Variants in PLSCR1 observed in about 807,000 individuals in gnomAD.
PLSCR1 encodes the protein PL scramblase 1.
A neutral mutation model predicts 37.8 loss-of-function variants in PLSCR1; 17 were observed. The ratio of observed to expected loss-of-function variants is 0.45; its 90% CI spans 0.31 to 0.68. The LOEUF is 0.68. Ranked by LOEUF, PLSCR1 falls within the 30% of genes least tolerant of loss-of-function variation. PLSCR1 has a pLI of 0.06. For missense variants in PLSCR1, 347 were observed against 380.9 expected, an observed-to-expected ratio of 0.91 and a Z score of 0.74; for synonymous variants, 116 against 125.9, an observed-to-expected ratio of 0.92 and a Z score of 0.53.
chr3:146,542,451 A>G (rs1173532844), intron 1 of PLSCR1, among the ~76,000 whole-genome samples: 1 of 152,156 alleles, frequency 6.6e-6, no homozygotes, highest in African/African-American at 2.4e-5. Context: ...CACAACCACA[A>G]AATTGCCTCA....
intron 1 of PLSCR1, 139 bp from the exon 2 acceptor site, chr3:146,536,704 G>A (rs145772879): frequency 1.0e-5 from 6 of 584,440 alleles, no homozygotes; most frequent in Non-Finnish European, 1.9e-5. Flanking sequence ...GCCTTATCTG[G>A]TCATTTAAGC....
In PLSCR1 at chr3:146,520,522, A is replaced by G. The variant is rs140401080; in HGVS notation, c.738+1022T>C. On this transcript the variant is annotated intron_variant, in intron 7 of 8. Coordinates refer to ENST00000342435, the MANE Select transcript of PLSCR1 (RefSeq NM_021105.3). ...CATACACACATTATATAATCCCCTT[A>G]TAAGAGCCTTTTTAAAGTTTCTATA... Among the ~76,000 whole-genome samples, 274 of 152,300 alleles carry G rather than the reference A, an allele frequency of 1.8e-3. 5 individuals carry two copies. Among genetic ancestry groups the G allele is most frequent in the Admixed American group, 0.017 (259 of 15,296 alleles).
intron 1 of PLSCR1, among the ~76,000 whole-genome samples, chr3:146,538,490 T>A (rs2044295097): frequency 6.6e-6 from 1 of 152,172 alleles, no homozygotes; most frequent in Non-Finnish European, 1.5e-5. Flanking sequence ...TATACATCTC[T>A]AAAGTCTTTA....
intron 1 of PLSCR1, among the ~76,000 whole-genome samples, chr3:146,541,511 G>C (rs139304913): frequency 6.2e-4 from 94 of 152,270 alleles, no homozygotes; most frequent in African/African-American, 2.1e-3. Flanking sequence ...GATACAGCTT[G>C]CTAACTAGCT....
chr3:146,536,826 G>A (rs752945077), intron 1 of PLSCR1: 3 of 347,784 alleles, frequency 8.6e-6, no homozygotes, highest in Non-Finnish European at 1.6e-5. Flanking sequence ...AGAGGGTCCA[G>A]TGAGGCAGAA....
At chr3:146,521,747 T>C in intron 6 of PLSCR1, 42 bp from the exon 7 acceptor site, 1 of 1,583,990 alleles carries the variant, frequency 6.3e-7, no homozygotes, top group East Asian at 2.2e-5. Context: ...ATAATCATAA[T>C]GCCTAGGTTC....
At chr3:146,519,352 C>T (rs2043987420) in intron 7 of PLSCR1, among the ~76,000 whole-genome samples, 1 of 151,982 alleles carries the variant, frequency 6.6e-6, no homozygotes, top group Non-Finnish European at 1.5e-5. Context: ...TATCACTACT[C>T]AGGATCAGTT....
intron 5 of PLSCR1, among the ~76,000 whole-genome samples, chr3:146,523,609 T>C (rs2044063931): frequency 6.6e-6 from 1 of 152,254 alleles, no homozygotes; most frequent in East Asian, 1.9e-4. Context: ...AACTCAACAG[T>C]AGTTGTTCAG....
chr3:146,544,148 G>T (rs1203927857), intron 1 of PLSCR1, among the ~76,000 whole-genome samples: 1 of 152,176 alleles, frequency 6.6e-6, no homozygotes, highest in East Asian at 1.9e-4. Flanking sequence ...GCTGAGCCCC[G>T]CAAGGCGTTT....
rs373452127 is a variant in PLSCR1, at chr3:146,521,649, G to T, written c.633C>A (p.His211Gln). 5 of 1,612,780 alleles carry T rather than the reference G, an allele frequency of 3.1e-6. No individual in the cohort carries two copies. Among genetic ancestry groups the T allele is most frequent in the Non-Finnish European group, 4.2e-6 (5 of 1,178,862 alleles). The change falls in exon 7 of 9, where the codon CAC (histidine) becomes CAA (glutamine). Residue 211 changes from histidine (H) to glutamine (Q), a missense_variant. Physicochemically the swap from His to Gln is conservative, Grantham distance 24 (BLOSUM62 0). Transcript: ENST00000342435. ...GAATTGTAAACTTTGGTAGACATGG[G>T]TGCCAAGTCTGAATAACATAACCTA... ...VPIGYVIQTW[H>Q]PCLPKFTIQN... is the part of the protein sequence containing the mutation.
chr3:146,526,321 T>G (rs1325050917), intron 4 of PLSCR1, among the ~76,000 whole-genome samples: 4 of 151,890 alleles, frequency 2.6e-5, no homozygotes, highest in Non-Finnish European at 5.9e-5. Context: ...AGATATTATC[T>G]TTGTACAGTT....
intron 7 of PLSCR1, among the ~76,000 whole-genome samples, chr3:146,521,018 T>C (rs1265406294): frequency 6.6e-6 from 1 of 152,168 alleles, no homozygotes; most frequent in Non-Finnish European, 1.5e-5. Context: ...TCTAGTGACC[T>C]AATTTAATAT....
intron 2 of PLSCR1, among the ~76,000 whole-genome samples, chr3:146,533,907 A>G (rs896062959): frequency 2.0e-5 from 3 of 152,226 alleles, no homozygotes; most frequent in Non-Finnish European, 4.4e-5. Flanking sequence ...AATGAAATTA[A>G]TGGGATGTGA....
At chr3:146,530,187 A>T (rs2044176738) in intron 3 of PLSCR1, among the ~76,000 whole-genome samples, 1 of 152,220 alleles carries the variant, frequency 6.6e-6, no homozygotes, top group Non-Finnish European at 1.5e-5. Flanking sequence ...ATATTTTAAC[A>T]TTAAAGCCTA....
intron 1 of PLSCR1, among the ~76,000 whole-genome samples, chr3:146,542,883 C>T (rs1175129454): frequency 2.0e-5 from 3 of 152,020 alleles, no homozygotes; most frequent in African/African-American, 7.2e-5. Flanking sequence ...AGCACAATAC[C>T]TAGACACTAG....
chr3:146,544,597 GA>G lies in PLSCR1; in HGVS notation c.-145del. The G allele has an allele frequency of 6.6e-6, 1 of 152,526 alleles. No homozygotes were observed. The highest frequency in any genetic ancestry group is 2.4e-5 in the African/African-American group (1 of 41,602). 9.4% of individuals were successfully genotyped at this position (152,526 alleles called of 1,614,324 possible). A position where few individuals can be genotyped will look rare whatever the true frequency, so the allele number is the denominator to read the frequency against. ...GCGCAACCTTCTCAGAAGTCAGCCG[GA>G]AAAGGGTCTGGGAGTAACCTTTGCG... On this transcript the variant is annotated 5_prime_UTR_variant, in exon 1 of 9. Coordinates refer to ENST00000342435, the MANE Select transcript of PLSCR1 (RefSeq NM_021105.3).
At position 146,521,957 on chromosome 3, in the gene PLSCR1, CG is replaced by C; in HGVS notation, c.451del (p.Arg151GlufsTer12). On this transcript the variant is annotated frameshift_variant, in exon 6 of 9. Coordinates refer to ENST00000342435, the MANE Select transcript of PLSCR1 (RefSeq NM_021105.3). LOFTEE classifies it high-confidence loss of function. ...AGGTCTAGATGGCCCACAGCAATTTCGGGTACAGCAATCAGTATCTTCCGCT... is the reference window on the plus strand; with the variant it reads ...AGGTCTAGATGGCCCACAGCAATTTCGGTACAGCAATCAGTATCTTCCGCT... ...FAAEDTDCCT[R>X]NCCGPSRPFT... 6.2e-7 allele frequency: 1 copy of C among 1,612,766 alleles called. No homozygotes were observed. Among genetic ancestry groups the C allele is most frequent in the Non-Finnish European group, 8.5e-7 (1 of 1,178,770 alleles).
At chr3:146,543,375 T>C (rs1576802062) in intron 1 of PLSCR1, among the ~76,000 whole-genome samples, 1 of 152,260 alleles carries the variant, frequency 6.6e-6, no homozygotes, top group Admixed American at 6.5e-5. Context: ...TCCCTTTATA[T>C]GTCTTTTTCA....
intron 7 of PLSCR1, among the ~76,000 whole-genome samples, chr3:146,519,269 T>C (rs1040211405): frequency 6.6e-6 from 1 of 152,138 alleles, no homozygotes; most frequent in Non-Finnish European, 1.5e-5. Flanking sequence ...AACATATTTA[T>C]TGAATACTAA....
Sources: gnomAD v4.1 joint callset for allele counts (sites outside exome capture counted in the v4.1 genomes callset) on GRCh38, gnomAD v4.1.1 for gene constraint, MANE v1.5 for transcripts, NCBI Gene and HGNC (gene_info 2026-07-23, HGNC 2026-07-21) for gene names.